ZKSCAN8: variants seen among roughly 807,000 people sequenced by gnomAD.
ZKSCAN8 encodes zinc finger protein with KRAB and SCAN domains 8.
A neutral mutation model predicts 57.2 loss-of-function variants in ZKSCAN8; 27 were observed. The observed-to-expected ratio is 0.47, with a 90% CI of 0.35 to 0.65. The LOEUF (loss-of-function observed/expected upper bound fraction) is 0.65, where lower values mean the gene tolerates loss of function less well. Ranked by LOEUF, ZKSCAN8 falls within the 30% of genes least tolerant of loss-of-function variation. The pLI is 0.01. For synonymous variants in ZKSCAN8, 214 were observed against 248.7 expected, an observed-to-expected ratio of 0.86 and a Z score of 1.31; for missense variants, 597 against 696.3, an observed-to-expected ratio of 0.86 and a Z score of 1.60.
In ZKSCAN8 at chr6:28,153,016, G is replaced by A. The variant is rs758033762; in HGVS notation, c.776-40G>A. On this transcript the variant is annotated intron_variant, in intron 5 of 5. Coordinates refer to ENST00000330236, the MANE Select transcript of ZKSCAN8 (RefSeq NM_006298.4). Reference sequence around the variant, plus strand: ...TCTCCTAGCATAAAGAATAGGTTGTGACATTGGCTTGATGTTTGTTTATTA... The same window carrying A: ...TCTCCTAGCATAAAGAATAGGTTGTAACATTGGCTTGATGTTTGTTTATTA... The A allele has an allele frequency of 6.2e-6, 10 of 1,603,004 alleles. No homozygotes were observed. The Admixed American group carries it at 1.2e-4, about 19-fold the overall frequency.
At chr6:28,148,899 TG>T in intron 2 of ZKSCAN8, 75 bp downstream of exon 2, 1 of 1,494,904 alleles carries the variant, frequency 6.7e-7, no homozygotes, top group Non-Finnish European at 9.0e-7. Context: ...GGCATCACAG[TG>T]GGAGAGCAGA....
chr6:28,148,928 T>C, intron 2 of ZKSCAN8, 104 bp downstream of exon 2: 1 of 1,323,920 alleles, frequency 7.6e-7, no homozygotes, highest in South Asian at 1.5e-5. Flanking sequence ...CATCAGTTTC[T>C]GTTGGATAAG....
chr6:28,149,539 A>T lies in ZKSCAN8; in HGVS notation c.474A>T (p.Ala158=). 6.2e-7 allele frequency: 1 copy of T among 1,614,180 alleles called. No individual in the cohort carries two copies. The highest frequency in any genetic ancestry group is 2.2e-5 in the East Asian group (1 of 44,886). Residue 158 remains alanine, a synonymous_variant, in exon 3 of 6, where the codon GCA becomes GCT. Coordinates refer to ENST00000330236, the MANE Select transcript of ZKSCAN8 (RefSeq NM_006298.4). ...RVLWEEVVHS[A]SAPEPPNTQL... ...TCTGGGAGGAGGTAGTACATTCAGC[A>T]TCTGCACCAGAGCCTCCAAATACTC...
At chr6:28,145,535 T>TAA (rs949962060) in intron 1 of ZKSCAN8, among the ~76,000 whole-genome samples, 6 of 145,642 alleles carry the variant, frequency 4.1e-5, no homozygotes, top group Non-Finnish European at 6.1e-5. Flanking sequence ...AGGGCTACTG[T>TAA]AAAAAAAAAA....
In ZKSCAN8 at chr6:28,149,749, G is replaced by A. The variant is rs558470241; in HGVS notation, c.559+125G>A. 4.8e-6 allele frequency: 5 copies of A among 1,047,390 alleles called. No homozygotes were observed. In the East Asian group the frequency reaches 8.6e-5, roughly 18 times the overall value. The allele number at this position is 1,047,390 out of a possible 1,614,324, so 64.9% of individuals were successfully genotyped here. A position where few individuals can be genotyped will look rare whatever the true frequency, so the allele number is the denominator to read the frequency against. On this transcript the variant is annotated intron_variant, in intron 3 of 5. Coordinates refer to ENST00000330236, the MANE Select transcript of ZKSCAN8 (RefSeq NM_006298.4). ...TGTTTACAGACCAGTCCCAAAGTCT[G>A]TGTTTAAATGTTTAGGCTTCAAATA...
Position 28,158,575 on chromosome 6 carries a change from A to T in ZKSCAN8, c.*4558A>T, listed in dbSNP as rs1163566985. 4 of 152,022 alleles carry T rather than the reference A, an allele frequency of 2.6e-5. No individual in the cohort carries two copies. In the East Asian group the frequency reaches 7.7e-4, roughly 29 times the overall value. 9.4% of individuals were successfully genotyped at this position (152,022 alleles called of 1,614,324 possible). On this transcript the variant is annotated 3_prime_UTR_variant, in exon 6 of 6. Coordinates refer to ENST00000330236, the MANE Select transcript of ZKSCAN8 (RefSeq NM_006298.4). The stretch of plus-strand genomic sequence containing the variant: ...TTGGAGTTATCTTTTTCTGCTCTCC[A>T]TTCTCCATGTCCAAAAACTTGCTGT...
Position 28,153,254 on chromosome 6 carries a change from A to T in ZKSCAN8, c.974A>T (p.Asp325Val), listed in dbSNP as rs141092348. 1 of 1,614,128 alleles carries T rather than the reference A, an allele frequency of 6.2e-7. No individual in the cohort carries two copies. Residue 325 changes from aspartate to valine, a missense_variant, in exon 6 of 6, where the codon GAT (aspartate) becomes GTT (valine). Coordinates refer to ENST00000330236, the MANE Select transcript of ZKSCAN8 (RefSeq NM_006298.4). Reference protein sequence around the residue: ...NPTQERRHKCDECGKSFAQSS... With the variant: ...NPTQERRHKCVECGKSFAQSS... ...ACACAAGAGAGACGACATAAATGTG[A>T]TGAATGTGGGAAAAGCTTTGCTCAG...
chr6:28,152,762 T>C (rs950052440), intron 5 of ZKSCAN8, among the ~76,000 whole-genome samples: 1 of 152,170 alleles, frequency 6.6e-6, no homozygotes, highest in Non-Finnish European at 1.5e-5. Flanking sequence ...CATTAGTTCT[T>C]TTAGTAGTTC....
rs759130197 is a variant in ZKSCAN8 at position 28,149,465 on chromosome 6, A to G, written c.418-18A>G. The G allele has an allele frequency of 1.2e-6, 2 of 1,612,804 alleles. No homozygotes were observed. Among genetic ancestry groups the G allele is most frequent in the East Asian group, 2.2e-5 (1 of 44,870 alleles). ...TCGCAAAGGGATTCCTTATTATCCA[A>G]CTGTCTGTTGTTTCCAGGTCTCAGC... is the stretch of plus-strand genomic sequence containing the variant. On this transcript the variant is annotated intron_variant, in intron 2 of 5. Coordinates refer to ENST00000330236, the MANE Select transcript of ZKSCAN8 (RefSeq NM_006298.4).
intron 1 of ZKSCAN8, 69 bp from the exon 2 acceptor site, chr6:28,148,247 G>C (rs1765466204): frequency 1.4e-6 from 1 of 713,482 alleles, no homozygotes; most frequent in South Asian, 2.0e-5. Flanking sequence ...TAAGGAACTT[G>C]TTAAGATACC....
chr6:28,149,671 A>C (rs1229982567), intron 3 of ZKSCAN8, 47 bp downstream of exon 3: 3 of 1,606,246 alleles, frequency 1.9e-6, no homozygotes, highest in Admixed American at 3.4e-5. Context: ...AGTACAAATA[A>C]AAGTCCATTT....
intron 3 of ZKSCAN8, among the ~76,000 whole-genome samples, 190 bp from the exon 4 acceptor site, chr6:28,151,655 T>A (rs917694536): frequency 2.0e-5 from 3 of 152,218 alleles, no homozygotes; most frequent in African/African-American, 7.2e-5. Flanking sequence ...TTCAGGGACA[T>A]CGGGGTGCGT....
rs200386851 is a variant in ZKSCAN8 at position 28,153,280 on chromosome 6, A to C, written c.1000A>C (p.Ser334Arg). 49 of 1,614,192 alleles carry C rather than the reference A, an allele frequency of 3.0e-5. No homozygotes were observed. The East Asian group carries it at 1.1e-3, about 35-fold the overall frequency. The change falls in exon 6 of 6, where the codon AGC becomes CGC. Residue 334 changes from serine to arginine, a missense_variant. Coordinates refer to ENST00000330236, the MANE Select transcript of ZKSCAN8 (RefSeq NM_006298.4). ...TGAATGTGGGAAAAGCTTTGCTCAGAGCTCAGGCCTTGTTCGCCACTGGAG... is the reference window on the plus strand; with the variant it reads ...TGAATGTGGGAAAAGCTTTGCTCAGCGCTCAGGCCTTGTTCGCCACTGGAG... Reference protein sequence around the residue: ...CDECGKSFAQSSGLVRHWRIH... With the variant: ...CDECGKSFAQRSGLVRHWRIH...
In ZKSCAN8 at chr6:28,143,380, C is replaced by G. The variant is rs183176341; in HGVS notation, c.-93+1351C>G. 1.1e-3 allele frequency among the ~76,000 whole-genome samples: 173 copies of G among 152,278 alleles called. 1 individual carries two copies. Among genetic ancestry groups the G allele is most frequent in the Non-Finnish European group, 1.1e-3 (73 of 68,004 alleles). ...TGGCTGATTTGGTATAAAAAATGAA[C>G]AAACCTGATAATTAGCTGGTTTTCA... On this transcript the variant is annotated intron_variant, in intron 1 of 5. Coordinates refer to ENST00000330236, the MANE Select transcript of ZKSCAN8 (RefSeq NM_006298.4).
chr6:28,153,572 A>T lies in ZKSCAN8; in HGVS notation c.1292A>T (p.Glu431Val). ...LILHQRIHSG[E>V]RPYECNECGK... ...CTGCACCAGAGAATCCACAGTGGAG[A>T]GAGACCCTATGAATGTAATGAGTGT... Residue 431 changes from glutamate to valine, a missense_variant, in exon 6 of 6, where the codon GAG (glutamate) becomes GTG (valine). By Grantham distance (121) the Glu-to-Val change is moderately radical. Transcript: ENST00000330236. The T allele has an allele frequency of 6.2e-7, 1 of 1,614,038 alleles. No homozygotes were observed. The highest frequency in any genetic ancestry group is 8.5e-7 in the Non-Finnish European group (1 of 1,179,998).
Position 28,156,252 on chromosome 6 carries a change from C to T in ZKSCAN8, c.*2235C>T, listed in dbSNP as rs1765779269. On this transcript the variant is annotated 3_prime_UTR_variant, in exon 6 of 6. Coordinates refer to ENST00000330236, the MANE Select transcript of ZKSCAN8 (RefSeq NM_006298.4). ...CCAATAAAAAGTCCTTTTAGCAATGCAACATATTAACAAAATTGGGTGCAT... is the reference window on the plus strand; with the variant it reads ...CCAATAAAAAGTCCTTTTAGCAATGTAACATATTAACAAAATTGGGTGCAT... 5.0e-6 allele frequency: 2 copies of T among 398,136 alleles called. No individual in the cohort carries two copies. The highest frequency in any genetic ancestry group is 4.1e-5 in the African/African-American group (2 of 48,592). 24.7% of individuals were successfully genotyped at this position (398,136 alleles called of 1,614,324 possible).
In ZKSCAN8 at chr6:28,152,425, T is replaced by G. The variant is rs144972682; in HGVS notation, c.775+41T>G. Reference sequence around the variant, plus strand: ...GTTATTATTGTCATTTTAGATTTTTTGTTTGTTTGTTGTTTATGTGTATAG... The same window carrying G: ...GTTATTATTGTCATTTTAGATTTTTGGTTTGTTTGTTGTTTATGTGTATAG... On this transcript the variant is annotated intron_variant, in intron 5 of 5. Transcript: ENST00000330236. 561 of 1,566,952 alleles carry G rather than the reference T, an allele frequency of 3.6e-4. 2 individuals are homozygous for G. In the African/African-American group the frequency reaches 6.6e-3, roughly 19 times the overall value.
Position 28,148,502 on chromosome 6 carries a change from G to T in ZKSCAN8, c.95G>T (p.Gly32Val). 6.2e-7 allele frequency: 1 copy of T among 1,614,172 alleles called. No homozygotes were observed. ...ATCGTCAAGGTAGAGGAGGATCATG[G>T]TTGGGACCAGGAATCTAGTCTGCAT... The part of the protein sequence containing the change: ...LVIVKVEEDH[G>V]WDQESSLHES... The change falls in exon 2 of 6, where the codon GGT becomes GTT. Residue 32 changes from glycine to valine, a missense_variant. By Grantham distance (109) the Gly-to-Val change is moderately radical. Transcript: ENST00000330236.
chr6:28,149,384 C>A, intron 2 of ZKSCAN8, 99 bp from the exon 3 acceptor site: 3 of 1,450,550 alleles, frequency 2.1e-6, no homozygotes, highest in South Asian at 1.4e-5. Context: ...GCTTCCTTCC[C>A]CAAGCATATA....
Sources: allele counts gnomAD v4.1 joint callset (sites outside exome capture counted in the v4.1 genomes callset), GRCh38; gene constraint gnomAD v4.1.1; transcripts MANE v1.5; gene names NCBI Gene and HGNC (gene_info 2026-07-23, HGNC 2026-07-21).